RAB3GAP1: variants seen among roughly 807,000 people sequenced by gnomAD.
RAB3GAP1 encodes the protein rab3 GTPase-activating protein catalytic subunit.
In RAB3GAP1, 86 loss-of-function variants were observed where a neutral mutation model predicts 130.7. The observed-to-expected ratio is 0.66, with a 90% CI of 0.55 to 0.79. RAB3GAP1 has a LOEUF of 0.79. RAB3GAP1 is among the 30% of genes least tolerant of loss of function. The pLI is 0.00. For synonymous variants in RAB3GAP1, 367 were observed against 401.7 expected (o/e 0.91, Z 1.03); for missense variants, 1,029 against 1,169.4 (o/e 0.88, Z 1.75).
chr2:135,169,156 C>T lies in RAB3GAP1; in HGVS notation c.*375C>T, dbSNP rs1459589330. 1.6e-5 allele frequency: 5 copies of T among 315,832 alleles called. No homozygotes were observed. The highest frequency in any genetic ancestry group is 1.5e-4 in the East Asian group (2 of 13,104). 19.6% of individuals were successfully genotyped at this position (315,832 alleles called of 1,614,324 possible). A position where few individuals can be genotyped will look rare whatever the true frequency, so the allele number is the denominator to read the frequency against. ...GCATTCGTGGTCTGTGCAAACACTTCGTGGTTCTATATATCAGCAGCAAGT... is the reference window on the plus strand; with the variant it reads ...GCATTCGTGGTCTGTGCAAACACTTTGTGGTTCTATATATCAGCAGCAAGT... On this transcript the variant is annotated 3_prime_UTR_variant, in exon 24 of 24. Transcript: ENST00000264158.
intron 19 of RAB3GAP1, among the ~76,000 whole-genome samples, chr2:135,158,590 G>A (rs1325769146): frequency 6.6e-6 from 1 of 152,212 alleles, no homozygotes; most frequent in Non-Finnish European, 1.5e-5. Context: ...AGTGGTAAAT[G>A]TAGAGGATAT....
At chr2:135,139,307 A>G (rs1255072205) in intron 17 of RAB3GAP1, among the ~76,000 whole-genome samples, 1 of 152,066 alleles carries the variant, frequency 6.6e-6, no homozygotes, top group Non-Finnish European at 1.5e-5. Context: ...TTGGGAGGCC[A>G]AGGTGGGCAG....
intron 19 of RAB3GAP1, among the ~76,000 whole-genome samples, chr2:135,155,550 T>C (rs1692286875): frequency 6.6e-6 from 1 of 152,120 alleles, no homozygotes; most frequent in Non-Finnish European, 1.5e-5. Context: ...TAGAGTGTAC[T>C]CACATAGACC....
Position 135,148,708 on chromosome 2 carries a change from C to T in RAB3GAP1, c.1924-1661C>T, listed in dbSNP as rs140925665. On this transcript the variant is annotated intron_variant, in intron 17 of 23. Coordinates refer to ENST00000264158, the MANE Select transcript of RAB3GAP1 (RefSeq NM_012233.3). ...TTTTTTTTAAGTAGAGATGGGGTTT[C>T]GCCATGTTGGCCAGGCTGGGCTCGA... Among the ~76,000 whole-genome samples the T allele has an allele frequency of 5.1e-4, 70 of 136,950 alleles. 1 individual carries two copies. The East Asian group carries it at 0.014, about 27-fold the overall frequency. The allele number at this position is 136,950 out of a possible 152,430, so 89.8% of individuals were successfully genotyped here. A position where few individuals can be genotyped will look rare whatever the true frequency, so the allele number is the denominator to read the frequency against.
intron 18 of RAB3GAP1, among the ~76,000 whole-genome samples, chr2:135,151,611 C>T (rs761767463): frequency 3.9e-5 from 6 of 152,156 alleles, no homozygotes; most frequent in Admixed American, 3.3e-4. Flanking sequence ...AGAAAATCTG[C>T]AAGTTCTATA....
At position 135,119,324 on chromosome 2, in the gene RAB3GAP1, G is replaced by T. The variant is rs180961449; in HGVS notation, c.649-1495G>T. ...GGGGTTTCACCATGTTGGCCAGGCT[G>T]GTCTTGAACTCCTGATTTCAAATGA... On this transcript the variant is annotated intron_variant, in intron 7 of 23. Coordinates refer to ENST00000264158, the MANE Select transcript of RAB3GAP1 (RefSeq NM_012233.3). Among the ~76,000 whole-genome samples, 244 of 152,218 alleles carry T rather than the reference G, an allele frequency of 1.6e-3. 1 individual carries two copies. Among genetic ancestry groups the T allele is most frequent in the African/African-American group, 5.6e-3 (231 of 41,540 alleles).
chr2:135,076,614 C>G (rs528911361), intron 3 of RAB3GAP1, among the ~76,000 whole-genome samples: 1 of 152,184 alleles, frequency 6.6e-6, no homozygotes, highest in East Asian at 1.9e-4. Context: ...TGTCATTTTT[C>G]TTTGAATGTC....
At chr2:135,151,387 T>G (rs1692169929) in intron 18 of RAB3GAP1, among the ~76,000 whole-genome samples, 1 of 152,182 alleles carries the variant, frequency 6.6e-6, no homozygotes, top group African/African-American at 2.4e-5. Context: ...CCAGTGTGAG[T>G]TTGATTTTTC....
intron 7 of RAB3GAP1, among the ~76,000 whole-genome samples, chr2:135,116,753 T>G (rs1054216343): frequency 6.6e-6 from 1 of 152,142 alleles, no homozygotes; most frequent in African/African-American, 2.4e-5. Flanking sequence ...GCCAAAAAAA[T>G]GTCATATGCA....
At chr2:135,113,642 G>A (rs1256994196) in intron 6 of RAB3GAP1, among the ~76,000 whole-genome samples, 1 of 152,100 alleles carries the variant, frequency 6.6e-6, no homozygotes, top group Non-Finnish European at 1.5e-5. Flanking sequence ...TCCATTTTCT[G>A]TCTATAAATG....
intron 17 of RAB3GAP1, chr2:135,137,207 A>G: frequency 2.4e-6 from 1 of 416,604 alleles, no homozygotes; most frequent in Admixed American, 2.7e-5. Context: ...CTTGATACCT[A>G]CGATGGCTTT....
rs1202895696 is a variant in RAB3GAP1 at position 135,115,379 on chromosome 2, A to T, written c.646A>T (p.Ile216Phe). 1 of 1,609,006 alleles carries T rather than the reference A, an allele frequency of 6.2e-7. No homozygotes were observed. The highest frequency in any genetic ancestry group is 1.3e-5 in the African/African-American group (1 of 74,860). Residue 216 changes from isoleucine to phenylalanine, a missense_variant and splice_region_variant, in exon 7 of 24, where the codon ATT becomes TTT. By Grantham distance (21) the Ile-to-Phe change is conservative. Transcript: ENST00000264158. ...TCTGCTGGATATCTTCAAATCAAAG[A>T]TTGTGAGTTGGGATTGATATTGTCA... ...SGLLDIFKSK[I>F]GCPLTPLPPV...
intron 17 of RAB3GAP1, chr2:135,136,892 C>T (rs1221650487): frequency 7.5e-6 from 2 of 267,108 alleles, no homozygotes; most frequent in Non-Finnish European, 1.4e-5. Flanking sequence ...CAAGACCAGC[C>T]TGTATAAGAA....
At chr2:135,064,726 T>A in intron 3 of RAB3GAP1, among the ~76,000 whole-genome samples, 1 of 151,106 alleles carries the variant, frequency 6.6e-6, no homozygotes, top group Non-Finnish European at 1.5e-5. Context: ...ATTTTCCTGT[T>A]TCGTTTTGTT....
intron 3 of RAB3GAP1, among the ~76,000 whole-genome samples, chr2:135,075,810 G>A (rs537360234): frequency 1.3e-5 from 2 of 151,738 alleles, no homozygotes; most frequent in East Asian, 1.9e-4. Context: ...TTCATTGTGT[G>A]GTCACAGAGT....
At chr2:135,115,125 C>A in intron 6 of RAB3GAP1, 91 bp from the exon 7 acceptor site, 1 of 1,260,718 alleles carries the variant, frequency 7.9e-7, no homozygotes, top group Non-Finnish European at 1.1e-6. Context: ...CTTTCAAATT[C>A]TTGAGATTAA....
intron 3 of RAB3GAP1, among the ~76,000 whole-genome samples, chr2:135,086,686 TC>T (rs1198712713): frequency 0.068 from 8,621 of 126,546 alleles, 1,007 homozygotes; most frequent in African/African-American, 0.24. Context: ...TTTTTTTTTT[TC>T]CTTAGAGATA....
At chr2:135,115,572 G>A (rs1690946372) in intron 7 of RAB3GAP1, among the ~76,000 whole-genome samples, 191 bp downstream of exon 7, 1 of 152,138 alleles carries the variant, frequency 6.6e-6, no homozygotes. Flanking sequence ...TATTTTTAGT[G>A]TACTCATGCT....
intron 19 of RAB3GAP1, among the ~76,000 whole-genome samples, chr2:135,158,104 TG>T (rs1692366094): frequency 6.6e-6 from 1 of 152,132 alleles, no homozygotes; most frequent in Non-Finnish European, 1.5e-5. Flanking sequence ...TTTTAAAATA[TG>T]GATAGGTATG....
Sources: gnomAD v4.1 joint callset for allele counts (sites outside exome capture counted in the v4.1 genomes callset) on GRCh38, gnomAD v4.1.1 for gene constraint, MANE v1.5 for transcripts, NCBI Gene and HGNC (gene_info 2026-07-23, HGNC 2026-07-21) for gene names.